Variants in WNT7A observed in about 807,000 individuals in gnomAD.
WNT7A encodes the protein Wnt family member 7A.
In WNT7A, 16 loss-of-function variants were observed where a neutral mutation model predicts 28.2. That is an observed-to-expected ratio of 0.57 (90% CI 0.38 to 0.86). The LOEUF (loss-of-function observed/expected upper bound fraction) is 0.86, where lower values mean the gene tolerates loss of function less well. Ranked by LOEUF, WNT7A falls within the 40% of genes least tolerant of loss-of-function variation. The pLI is 0.00. For synonymous variants in WNT7A, 190 were observed against 195.9 expected (o/e 0.97, Z 0.25); for missense variants, 411 against 489.7 (o/e 0.84, Z 1.52).
Position 13,875,132 on chromosome 3 carries a change from C to T in WNT7A, c.113G>A (p.Cys38Tyr). 6.2e-7 allele frequency: 1 copy of T among 1,614,186 alleles called. No individual in the cohort carries two copies. Residue 38 changes from cysteine to tyrosine, a missense_variant, in exon 2 of 4, where the codon TGT becomes TAT. Cys to Tyr is a radical substitution (Grantham distance 194, BLOSUM62 -2). Transcript: ENST00000285018. ...SVVALGASII[C>Y]NKIPGLAPRQ... is the part of the protein sequence containing the mutation. ...GGGAGCCAGGCCTGGGATCTTGTTA[C>T]AGATGATGCTTGCGCCCAGAGCTAC...
intron 2 of WNT7A, among the ~76,000 whole-genome samples, chr3:13,869,693 T>TAGAG (rs60305716): frequency 0.63 from 90,616 of 143,076 alleles, 28,706 homozygotes; most frequent in East Asian, 0.93. Flanking sequence ...AAGGGAAAGA[T>TAGAG]AGAGAAAGAA....
chr3:13,836,586 C>G (rs1694374539), intron 3 of WNT7A, among the ~76,000 whole-genome samples: 2 of 152,232 alleles, frequency 1.3e-5, no homozygotes, highest in Admixed American at 1.3e-4. Context: ...TCCAGTGGAA[C>G]CTCCCACTGC....
chr3:13,847,914 G>A (rs1694566371), intron 3 of WNT7A, among the ~76,000 whole-genome samples: 1 of 152,190 alleles, frequency 6.6e-6, no homozygotes, highest in Admixed American at 6.5e-5. Context: ...AACAGTGAGA[G>A]TGTGCTTGAT....
At chr3:13,868,462 G>C (rs1464230302) in intron 2 of WNT7A, among the ~76,000 whole-genome samples, 2 of 147,566 alleles carry the variant, frequency 1.4e-5, no homozygotes, top group Admixed American at 6.8e-5. Context: ...GTGACAGAGA[G>C]AGACCCTGTC....
chr3:13,877,998 C>T (rs1476589494), intron 1 of WNT7A, among the ~76,000 whole-genome samples: 6 of 152,192 alleles, frequency 3.9e-5, no homozygotes, highest in Non-Finnish European at 7.4e-5. Context: ...AGATGAGTAG[C>T]CCGAGGCGCA....
Position 13,819,092 on chromosome 3 carries a change from G to GC in WNT7A, c.901dup (p.Ala301GlyfsTer5), listed in dbSNP as rs1379782459. 6.2e-7 allele frequency: 1 copy of GC among 1,614,040 alleles called. No individual in the cohort carries two copies. The highest frequency in any genetic ancestry group is 1.3e-5 in the African/African-American group (1 of 74,946). ...ACAGCACATGAGGTCACAGCCGCTG[G>GC]CCTGGGGAGCCGTCTTGTTGCAGGC... is the stretch of plus-strand genomic sequence containing the variant. On this transcript the variant is annotated frameshift_variant, in exon 4 of 4. Transcript: ENST00000285018. LOFTEE classifies it high-confidence loss of function.
intron 2 of WNT7A, 146 bp from the exon 3 acceptor site, chr3:13,854,949 G>A (rs1347906285): frequency 1.5e-5 from 17 of 1,111,328 alleles, no homozygotes; most frequent in African/African-American, 3.1e-5. Context: ...TTCCAACAAA[G>A]CTCCCTTTTA....
intron 2 of WNT7A, among the ~76,000 whole-genome samples, chr3:13,865,245 A>G (rs1373562472): frequency 6.6e-6 from 1 of 151,444 alleles, no homozygotes; most frequent in Admixed American, 6.6e-5. Flanking sequence ...AGGCACCCTG[A>G]CTCTCCAGGA....
Position 13,818,651 on chromosome 3 carries a change from C to T in WNT7A, c.*293G>A, listed in dbSNP as rs1205205894. 3.9e-6 allele frequency: 1 copy of T among 258,522 alleles called. No individual in the cohort carries two copies. The highest frequency in any genetic ancestry group is 7.2e-6 in the Non-Finnish European group (1 of 137,956). 16.0% of individuals were successfully genotyped at this position (258,522 alleles called of 1,614,324 possible). On this transcript the variant is annotated 3_prime_UTR_variant, in exon 4 of 4. Coordinates refer to ENST00000285018, the MANE Select transcript of WNT7A (RefSeq NM_004625.4). ...TATCAGAATAAATTGTTAAATATTGCTGTGATGAGGCCCAGGGGTCCAGAG... is the reference window on the plus strand; with the variant it reads ...TATCAGAATAAATTGTTAAATATTGTTGTGATGAGGCCCAGGGGTCCAGAG...
In WNT7A at chr3:13,817,412, A is replaced by T. The variant is rs1005926935; in HGVS notation, c.*1532T>A. 1 of 148,854 alleles carries T rather than the reference A, an allele frequency of 6.7e-6. No individual in the cohort carries two copies. The highest frequency in any genetic ancestry group is 1.5e-5 in the Non-Finnish European group (1 of 67,608). 9.2% of individuals were successfully genotyped at this position (148,854 alleles called of 1,614,324 possible). ...TCACGTGACTACACTCAAGTCCCTAAGAAGATACAGTACACACACACACAC... is the reference window on the plus strand; with the variant it reads ...TCACGTGACTACACTCAAGTCCCTATGAAGATACAGTACACACACACACAC... On this transcript the variant is annotated 3_prime_UTR_variant, in exon 4 of 4. Coordinates refer to ENST00000285018, the MANE Select transcript of WNT7A (RefSeq NM_004625.4).
chr3:13,869,031 T>A (rs1402832163), intron 2 of WNT7A, among the ~76,000 whole-genome samples: 3,073 of 62,778 alleles, frequency 0.049, no homozygotes, highest in Middle Eastern at 0.15. Context: ...AGAGAGAAAG[T>A]GAGAGAGAGA....
At chr3:13,856,941 G>A (rs1159652356) in intron 2 of WNT7A, among the ~76,000 whole-genome samples, 7 of 121,376 alleles carry the variant, frequency 5.8e-5, no homozygotes, top group South Asian at 5.6e-4. Context: ...AGAAGAAGAA[G>A]AAGAAGAAGA....
chr3:13,819,746 G>A (rs1006930449), intron 3 of WNT7A, among the ~76,000 whole-genome samples: 8 of 152,216 alleles, frequency 5.3e-5, no homozygotes, highest in African/African-American at 1.9e-4. Context: ...ACAAAGAATG[G>A]ATCTTTAAGA....
At chr3:13,859,363 C>T (rs1694793580) in intron 2 of WNT7A, among the ~76,000 whole-genome samples, 1 of 152,202 alleles carries the variant, frequency 6.6e-6, no homozygotes, top group Non-Finnish European at 1.5e-5. Flanking sequence ...CTTAACCTCT[C>T]TGAGCCTCCA....
intron 2 of WNT7A, among the ~76,000 whole-genome samples, chr3:13,864,965 C>T (rs1018783075): frequency 6.6e-6 from 1 of 152,174 alleles, no homozygotes; most frequent in South Asian, 2.1e-4. Flanking sequence ...CGAGGATGTG[C>T]CTCTTCTGTA....
At chr3:13,834,110 C>T (rs755314926) in intron 3 of WNT7A, among the ~76,000 whole-genome samples, 5 of 152,246 alleles carry the variant, frequency 3.3e-5, no homozygotes, top group Admixed American at 3.3e-4. Context: ...GTTTCCCCCA[C>T]AGCCTGGCTG....
At chr3:13,874,924 G>T in intron 2 of WNT7A, 23 bp downstream of exon 2, 2 of 1,612,168 alleles carry the variant, frequency 1.2e-6, no homozygotes, top group South Asian at 2.2e-5. Context: ...AGACTCTGCG[G>T]GGGTGTTTGG....
chr3:13,849,193 A>G (rs1045236233), intron 3 of WNT7A, among the ~76,000 whole-genome samples: 4 of 152,160 alleles, frequency 2.6e-5, no homozygotes, highest in African/African-American at 7.2e-5. Flanking sequence ...CCCTCGTCCT[A>G]TAGTTTTGCA....
At chr3:13,861,531 C>T (rs572625173) in intron 2 of WNT7A, among the ~76,000 whole-genome samples, 1 of 152,322 alleles carries the variant, frequency 6.6e-6, no homozygotes, top group African/African-American at 2.4e-5. Context: ...AAGAAGGTGA[C>T]ACAGGGCAGT....
Sources: allele counts gnomAD v4.1 joint callset (sites outside exome capture counted in the v4.1 genomes callset), GRCh38; gene constraint gnomAD v4.1.1; transcripts MANE v1.5; gene names NCBI Gene and HGNC (gene_info 2026-07-23, HGNC 2026-07-21).